ZDHHC14: variants seen among roughly 807,000 people sequenced by gnomAD.
ZDHHC14 encodes zDHHC palmitoyltransferase 14, also known as palmitoyltransferase ZDHHC14.
ZDHHC14 carries 16 observed loss-of-function variants against 47.7 expected under a neutral mutation model. The ratio of observed to expected loss-of-function variants is 0.34; its 90% CI spans 0.23 to 0.51. ZDHHC14 has a LOEUF of 0.51. Ranked by LOEUF, ZDHHC14 falls within the 20% of genes least tolerant of loss-of-function variation. The probability of loss-of-function intolerance (pLI) is 0.97; values close to 1 mark genes in which losing one functional copy is unlikely to be tolerated. For missense variants in ZDHHC14, 515 were observed against 662.5 expected (o/e 0.78, Z 2.44); for synonymous variants, 293 against 278.9 (o/e 1.05, Z -0.50).
chr6:157,614,462 G>A lies in ZDHHC14; in HGVS notation c.566-13887G>A, dbSNP rs371960413. ...TAAAACAGACATAGGTCTAACTGCTGTAGTTCAAGGGGAAGAAAAGCCCCA... is the reference window on the plus strand; with the variant it reads ...TAAAACAGACATAGGTCTAACTGCTATAGTTCAAGGGGAAGAAAAGCCCCA... On this transcript the variant is annotated intron_variant, in intron 3 of 8. Coordinates refer to ENST00000359775, the MANE Select transcript of ZDHHC14 (RefSeq NM_024630.3). Among the ~76,000 whole-genome samples, 4 of 151,892 alleles carry A rather than the reference G, an allele frequency of 2.6e-5. No homozygotes were observed. The East Asian group carries it at 5.8e-4, about 22-fold the overall frequency.
intron 1 of ZDHHC14, among the ~76,000 whole-genome samples, chr6:157,484,279 G>GTATATATATGTA (rs1779705378): frequency 2.7e-5 from 3 of 111,554 alleles, no homozygotes; most frequent in Non-Finnish European, 3.7e-5. Context: ...GTATATATAC[G>GTATATATATGTA]TATATATATA....
chr6:157,504,781 A>ATT, intron 1 of ZDHHC14, among the ~76,000 whole-genome samples: 1 of 120,712 alleles, frequency 8.3e-6, no homozygotes, highest in Non-Finnish European at 1.8e-5. Context: ...GTAAAATACC[A>ATT]TGTGTTTTGT....
At chr6:157,643,266 C>T (rs372612855) in intron 5 of ZDHHC14, among the ~76,000 whole-genome samples, 3 of 152,182 alleles carry the variant, frequency 2.0e-5, no homozygotes, top group Admixed American at 1.3e-4. Flanking sequence ...TCTTGCATCT[C>T]GCATCCTACT....
chr6:157,423,942 G>A (rs1778161528), intron 1 of ZDHHC14, among the ~76,000 whole-genome samples: 1 of 152,220 alleles, frequency 6.6e-6, no homozygotes, highest in Non-Finnish European at 1.5e-5. Flanking sequence ...GCATCCATCA[G>A]CGCTTGTGTA....
intron 1 of ZDHHC14, among the ~76,000 whole-genome samples, chr6:157,533,213 G>C (rs1193061368): frequency 2.0e-5 from 3 of 152,078 alleles, no homozygotes; most frequent in Non-Finnish European, 4.4e-5. Context: ...CTAGGCACTG[G>C]AGGTTACATC....
At chr6:157,523,428 A>G (rs573709362) in intron 1 of ZDHHC14, among the ~76,000 whole-genome samples, 1 of 152,096 alleles carries the variant, frequency 6.6e-6, no homozygotes, top group Non-Finnish European at 1.5e-5. Flanking sequence ...GAGGGTTCTA[A>G]TGGGACACTG....
intron 2 of ZDHHC14, among the ~76,000 whole-genome samples, chr6:157,587,546 A>G (rs1783742161): frequency 6.6e-6 from 1 of 152,124 alleles, no homozygotes; most frequent in African/African-American, 2.4e-5. Context: ...GGCCACCCAG[A>G]GTCCTTGGAC....
intron 2 of ZDHHC14, among the ~76,000 whole-genome samples, chr6:157,580,984 G>C (rs1215622953): frequency 6.6e-6 from 1 of 151,592 alleles, no homozygotes; most frequent in Non-Finnish European, 1.5e-5. Context: ...GTTTTCCCTT[G>C]CTTCTCTAAT....
chr6:157,579,338 C>T (rs1783433034), intron 2 of ZDHHC14, among the ~76,000 whole-genome samples: 1 of 151,722 alleles, frequency 6.6e-6, no homozygotes, highest in Non-Finnish European at 1.5e-5. Context: ...GCTGGGACTA[C>T]AGGTGCCTGC....
intron 1 of ZDHHC14, among the ~76,000 whole-genome samples, chr6:157,486,696 G>A (rs1362935835): frequency 6.6e-6 from 1 of 152,192 alleles, no homozygotes; most frequent in Non-Finnish European, 1.5e-5. Flanking sequence ...GGAGCCCGAG[G>A]GAAGAGCCCT....
chr6:157,568,458 A>G (rs1782985889), intron 2 of ZDHHC14, among the ~76,000 whole-genome samples: 2 of 112,074 alleles, frequency 1.8e-5, no homozygotes, highest in South Asian at 5.6e-4. Context: ...TCCTCTTAAT[A>G]TACTTGAACC....
chr6:157,484,422 A>ATATATATGTATATGTG (rs1562444031), intron 1 of ZDHHC14, among the ~76,000 whole-genome samples: 42 of 136,842 alleles, frequency 3.1e-4, no homozygotes, highest in African/African-American at 1.3e-3. Context: ...ACACATATAC[A>ATATATATGTATATGTG]TATATATACG....
At chr6:157,622,036 C>T (rs1293894711) in intron 3 of ZDHHC14, among the ~76,000 whole-genome samples, 1 of 151,978 alleles carries the variant, frequency 6.6e-6, no homozygotes, top group African/African-American at 2.4e-5. Flanking sequence ...ATGGTGCTTC[C>T]AGCAGATACT....
At position 157,511,547 on chromosome 6, in the gene ZDHHC14, C is replaced by CTTTTTTTTTTTTTTT. The variant is rs34988240; in HGVS notation, c.246-31034_246-31020dup. Among the ~76,000 whole-genome samples, 124 of 114,866 alleles carry CTTTTTTTTTTTTTTT rather than the reference C, an allele frequency of 1.1e-3. 3 individuals carry two copies. The highest frequency in any genetic ancestry group is 2.7e-3 in the African/African-American group (73 of 26,714). The allele number at this position is 114,866 out of a possible 152,430, so 75.4% of individuals were successfully genotyped here. A position where few individuals can be genotyped will look rare whatever the true frequency, so the allele number is the denominator to read the frequency against. The stretch of plus-strand genomic sequence containing the variant: ...AGGCATGCGCCACGAAGCCCGGGTA[C>CTTTTTTTTTTTTTTT]TTTTTTTTTTTTTTTTTTGTATTTT... On this transcript the variant is annotated intron_variant, in intron 1 of 8. Transcript: ENST00000359775.
chr6:157,509,418 C>A (rs1474924), intron 1 of ZDHHC14, among the ~76,000 whole-genome samples: 1 of 152,158 alleles, frequency 6.6e-6, no homozygotes. Flanking sequence ...AATATGTACA[C>A]ACATAGTGAA....
At chr6:157,667,973 T>G (rs1778626296) in intron 8 of ZDHHC14, among the ~76,000 whole-genome samples, 1 of 152,232 alleles carries the variant, frequency 6.6e-6, no homozygotes, top group Non-Finnish European at 1.5e-5. Context: ...AGTGCTCTCT[T>G]CTGAGCCAAC....
chr6:157,471,151 T>C (rs1779344978), intron 1 of ZDHHC14, among the ~76,000 whole-genome samples: 1 of 152,232 alleles, frequency 6.6e-6, no homozygotes, highest in African/African-American at 2.4e-5. Flanking sequence ...CAGAACCTAA[T>C]TTAAAGCTCA....
At chr6:157,664,242 TACTG>T (rs1451672294) in intron 8 of ZDHHC14, among the ~76,000 whole-genome samples, 1 of 152,260 alleles carries the variant, frequency 6.6e-6, no homozygotes, top group African/African-American at 2.4e-5. Flanking sequence ...ATATCCAATC[TACTG>T]CTAACTTCAT....
At chr6:157,396,937 A>G (rs1218640633) in intron 1 of ZDHHC14, among the ~76,000 whole-genome samples, 1 of 152,212 alleles carries the variant, frequency 6.6e-6, no homozygotes, top group Admixed American at 6.5e-5. Flanking sequence ...TTTAATTTAG[A>G]AGTTGAAGTG....
Sources: gnomAD v4.1 joint callset for allele counts (sites outside exome capture counted in the v4.1 genomes callset) on GRCh38, gnomAD v4.1.1 for gene constraint, MANE v1.5 for transcripts, NCBI Gene and HGNC (gene_info 2026-07-23, HGNC 2026-07-21) for gene names.